SCIN: variants seen among roughly 807,000 people sequenced by gnomAD.
SCIN encodes adseverin.
SCIN carries 91 observed loss-of-function variants against 91.8 expected under a neutral mutation model. The observed-to-expected ratio is 0.99, with a 90% CI of 0.84 to 1.18. The LOEUF (loss-of-function observed/expected upper bound fraction) is 1.18, where lower values mean the gene tolerates loss of function less well. Ranked by LOEUF, SCIN falls within the 50% of genes most tolerant of loss-of-function variation. The probability of loss-of-function intolerance (pLI) is 0.00; values close to 1 mark genes in which losing one functional copy is unlikely to be tolerated. For synonymous variants in SCIN, 367 were observed against 312.6 expected, an observed-to-expected ratio of 1.17 and a Z score of -1.84; for missense variants, 1,087 against 863.9, an observed-to-expected ratio of 1.26 and a Z score of -3.24.
In SCIN at chr7:12,590,807, A is replaced by G. The variant is rs567621624; in HGVS notation, c.516+9586A>G. ...GAAGGAGTTAGTAAATAAGGTGGCC[A>G]TTAGTGATAGGGGTTCCTTTGGCAG... On this transcript the variant is annotated intron_variant, in intron 3 of 15. Coordinates refer to ENST00000297029, the MANE Select transcript of SCIN (RefSeq NM_001112706.3). 4.5e-4 allele frequency among the ~76,000 whole-genome samples: 69 copies of G among 152,270 alleles called. 1 individual carries two copies. Among genetic ancestry groups the G allele is most frequent in the Non-Finnish European group, 7.1e-4 (48 of 68,030 alleles).
At chr7:12,618,345 G>C (rs531780971) in intron 4 of SCIN, among the ~76,000 whole-genome samples, 2 of 152,142 alleles carry the variant, frequency 1.3e-5, no homozygotes, top group African/African-American at 4.8e-5. Flanking sequence ...CTGCGCTATA[G>C]CTAAATCTCT....
At chr7:12,643,757 G>A (rs548783239) in intron 11 of SCIN, among the ~76,000 whole-genome samples, 5 of 152,256 alleles carry the variant, frequency 3.3e-5, no homozygotes, top group South Asian at 4.1e-4. Context: ...ATCACTTTAC[G>A]CTCTTGTTTT....
chr7:12,624,380 T>C (rs1783469683), intron 5 of SCIN, among the ~76,000 whole-genome samples: 1 of 152,234 alleles, frequency 6.6e-6, no homozygotes, highest in Non-Finnish European at 1.5e-5. Context: ...GTTTTAATAG[T>C]CTGTAGTCAT....
intron 5 of SCIN, among the ~76,000 whole-genome samples, chr7:12,623,336 A>G (rs555803864): frequency 6.6e-6 from 1 of 152,126 alleles, no homozygotes; most frequent in Non-Finnish European, 1.5e-5. Context: ...TACCAAATGA[A>G]ACAGCTGGAG....
chr7:12,655,729 T>G lies in SCIN; in HGVS notation c.*3014T>G, dbSNP rs2115309579. 6.6e-6 allele frequency: 1 copy of G among 152,346 alleles called. No homozygotes were observed. Among genetic ancestry groups the G allele is most frequent in the South Asian group, 2.1e-4 (1 of 4,832 alleles). 9.4% of individuals were successfully genotyped at this position (152,346 alleles called of 1,614,324 possible). On this transcript the variant is annotated 3_prime_UTR_variant, in exon 16 of 16. Coordinates refer to ENST00000297029, the MANE Select transcript of SCIN (RefSeq NM_001112706.3). ...AACATACACAAAAAATATTATATAT[T>G]TGCCAAACGTATGTACTAATCTAAA...
chr7:12,593,781 C>T (rs1405098474), intron 3 of SCIN, among the ~76,000 whole-genome samples: 1 of 152,156 alleles, frequency 6.6e-6, no homozygotes, highest in Non-Finnish European at 1.5e-5. Flanking sequence ...CAGGAAGGCT[C>T]TTCCCAGGGA....
In SCIN at chr7:12,644,302, A is replaced by G; in HGVS notation, c.1746A>G (p.Glu582=). 1 of 1,585,522 alleles carries G rather than the reference A, an allele frequency of 6.3e-7. No individual in the cohort carries two copies. Among genetic ancestry groups the G allele is most frequent in the Non-Finnish European group, 8.6e-7 (1 of 1,165,276 alleles). The change falls in exon 12 of 16, where the codon GAA becomes GAG. Residue 582 remains glutamate (E), a synonymous_variant. Coordinates refer to ENST00000297029, the MANE Select transcript of SCIN (RefSeq NM_001112706.3). ...VLKCKTLRIQ[E]GEEPEEFWNS... is the part of the protein sequence containing the mutation. The stretch of plus-strand genomic sequence containing the variant: ...AGTGCAAAACCTTAAGGATCCAAGA[A>G]GGCGAGGAGCCAGGTGTGTGCTCTG...
At position 12,656,396 on chromosome 7, in the gene SCIN, A is replaced by C; in HGVS notation, c.*3681A>C. The C allele has an allele frequency of 6.6e-6, 1 of 152,238 alleles. No homozygotes were observed. The highest frequency in any genetic ancestry group is 1.9e-4 in the East Asian group (1 of 5,178). 9.4% of individuals were successfully genotyped at this position (152,238 alleles called of 1,614,324 possible). ...TTCTTTTAAACCTAATTTATTTTAA[A>C]CCTAATTTATTTATTTTAAACCTAA... is the stretch of plus-strand genomic sequence containing the variant. On this transcript the variant is annotated 3_prime_UTR_variant, in exon 16 of 16. Transcript: ENST00000297029.
At chr7:12,591,930 C>G (rs1214716322) in intron 3 of SCIN, among the ~76,000 whole-genome samples, 1 of 152,022 alleles carries the variant, frequency 6.6e-6, no homozygotes, top group Non-Finnish European at 1.5e-5. Context: ...AGAGCAGTGG[C>G]CGTGTGAGTT....
chr7:12,643,767 T>A (rs1282637806), intron 11 of SCIN, among the ~76,000 whole-genome samples: 1 of 152,232 alleles, frequency 6.6e-6, no homozygotes, highest in Non-Finnish European at 1.5e-5. Context: ...GCTCTTGTTT[T>A]CCTCCTCCGT....
At chr7:12,572,901 C>A (rs575120422) in intron 1 of SCIN, among the ~76,000 whole-genome samples, 3 of 152,016 alleles carry the variant, frequency 2.0e-5, no homozygotes, top group African/African-American at 7.3e-5. Context: ...AAGTTCATCA[C>A]CTCAAAGGTG....
At chr7:12,592,510 A>G (rs967282464) in intron 3 of SCIN, among the ~76,000 whole-genome samples, 4 of 151,882 alleles carry the variant, frequency 2.6e-5, no homozygotes, top group African/African-American at 9.7e-5. Flanking sequence ...GGTCATGGTG[A>G]GCAGCTACGG....
chr7:12,622,431 T>A (rs543227208), intron 4 of SCIN, among the ~76,000 whole-genome samples: 23 of 152,284 alleles, frequency 1.5e-4, no homozygotes, highest in African/African-American at 5.5e-4. Context: ...AACTGAGAGA[T>A]TATTTCTAGA....
chr7:12,614,829 T>C (rs1339941814), intron 4 of SCIN, among the ~76,000 whole-genome samples: 4 of 152,144 alleles, frequency 2.6e-5, no homozygotes, highest in African/African-American at 4.8e-5. Context: ...ATACTATCTA[T>C]AGACAGCTCC....
At chr7:12,627,093 C>CAT (rs1362810273) in intron 8 of SCIN, among the ~76,000 whole-genome samples, 1 of 149,624 alleles carries the variant, frequency 6.7e-6, no homozygotes, top group Non-Finnish European at 1.5e-5. Flanking sequence ...TGTGTGTATA[C>CAT]ACACACACAC....
At chr7:12,580,566 C>A (rs1365446381) in intron 2 of SCIN, among the ~76,000 whole-genome samples, 1 of 152,138 alleles carries the variant, frequency 6.6e-6, no homozygotes, top group East Asian at 1.9e-4. Flanking sequence ...TCAACCCATT[C>A]CTGGCCAGCA....
intron 3 of SCIN, among the ~76,000 whole-genome samples, chr7:12,590,129 C>A (rs182353591): frequency 6.6e-6 from 1 of 152,060 alleles, no homozygotes. Context: ...TTGTATGGAG[C>A]CAGGGAGACC....
chr7:12,629,238 T>A lies in SCIN; in HGVS notation c.1319+16T>A, dbSNP rs112879593. The A allele has an allele frequency of 6.3e-7, 1 of 1,590,770 alleles. No homozygotes were observed. Among genetic ancestry groups the A allele is most frequent in the Non-Finnish European group, 8.5e-7 (1 of 1,170,964 alleles). On this transcript the variant is annotated intron_variant, in intron 9 of 15. Transcript: ENST00000297029. ...TCTACACGTGGTGAGTTTATACGGG[T>A]AAAGATCTCGAGTTCCACAGGAGCC...
Position 12,655,433 on chromosome 7 carries a change from A to T in SCIN, c.*2718A>T, listed in dbSNP as rs977722883. 1.3e-5 allele frequency: 2 copies of T among 152,168 alleles called. No individual in the cohort carries two copies. Among genetic ancestry groups the T allele is most frequent in the African/African-American group, 4.8e-5 (2 of 41,446 alleles). 9.4% of individuals were successfully genotyped at this position (152,168 alleles called of 1,614,324 possible). A position where few individuals can be genotyped will look rare whatever the true frequency, so the allele number is the denominator to read the frequency against. On this transcript the variant is annotated 3_prime_UTR_variant, in exon 16 of 16. Coordinates refer to ENST00000297029, the MANE Select transcript of SCIN (RefSeq NM_001112706.3). ...TACAAATCAATGAGTCAACAACCCA[A>T]TGGAAAAATGGCCAAAAGACATGAA...
Sources: gnomAD v4.1 joint callset for allele counts (sites outside exome capture counted in the v4.1 genomes callset) on GRCh38, gnomAD v4.1.1 for gene constraint, MANE v1.5 for transcripts, NCBI Gene and HGNC (gene_info 2026-07-23, HGNC 2026-07-21) for gene names.